NSD1: variants seen among roughly 807,000 people sequenced by gnomAD.
NSD1 encodes histone-lysine N-methyltransferase, H3 lysine-36 specific.
NSD1 carries 26 observed loss-of-function variants against 242.7 expected under a neutral mutation model. That is an observed-to-expected ratio of 0.11 (90% CI 0.08 to 0.15). The LOEUF is 0.15. Ranked by LOEUF, NSD1 falls within the 10% of genes least tolerant of loss-of-function variation. The pLI is 1.00. For missense variants in NSD1, 2,495 were observed against 3,272.8 expected, an observed-to-expected ratio of 0.76 and a Z score of 5.80; for synonymous variants, 1,106 against 1,178.1, an observed-to-expected ratio of 0.94 and a Z score of 1.25.
At chr5:177,166,446 G>T (rs1484860460) in intron 2 of NSD1, among the ~76,000 whole-genome samples, 1 of 151,916 alleles carries the variant, frequency 6.6e-6, no homozygotes, top group African/African-American at 2.4e-5. Flanking sequence ...TACTGGGGAG[G>T]CTGTGACAGG....
intron 13 of NSD1, 57 bp downstream of exon 13, chr5:177,257,208 A>G: frequency 7.8e-7 from 1 of 1,288,414 alleles, no homozygotes; most frequent in Non-Finnish European, 1.1e-6. Flanking sequence ...AATTGGCAAC[A>G]GATATTTTCT....
At chr5:177,266,834 C>T (rs6556309) in intron 14 of NSD1, 152,155 of 195,876 alleles carry the variant, frequency 0.78, 60,943 homozygotes, top group Middle Eastern at 0.9. Flanking sequence ...AATGCCTGCC[C>T]GTCTGCTGAA....
At position 177,269,041 on chromosome 5, in the gene NSD1, A is replaced by G. The variant is rs569705938; in HGVS notation, c.5304-561A>G. ...ATTCTCTGGAGTAAAGTAGGTAGAT[A>G]GAGGTTTCCAGCTTTAATAGGTAGT... On this transcript the variant is annotated intron_variant, in intron 15 of 22. Transcript: ENST00000439151. The surrounding 1 kb of genome is among the most constrained non-coding windows in gnomAD (Gnocchi z 5.1). Among the ~76,000 whole-genome samples, 7 of 152,276 alleles carry G rather than the reference A, an allele frequency of 4.6e-5. No homozygotes were observed. In the South Asian group the frequency reaches 1.5e-3, roughly 32 times the overall value.
rs756115620 is a variant in NSD1, at chr5:177,269,758, G to A, written c.5460G>A (p.Val1820=). The A allele has an allele frequency of 4.3e-6, 7 of 1,614,076 alleles. No individual in the cohort carries two copies. The highest frequency in any genetic ancestry group is 1.6e-4 in the Middle Eastern group (1 of 6,062). Residue 1820 remains valine (V), a synonymous_variant, in exon 16 of 23, where the codon GTG becomes GTA. Transcript: ENST00000439151. This position sits in a 1 kb window ranked among gnomAD's most constrained non-coding sequence, Gnocchi z 5.1. Reference sequence around the variant, plus strand: ...TCTTCCCTTACATGGAGGGTGACGTGAGCAGCAAGGATAAGATGGGCAAAG... The same window carrying A: ...TCTTCCCTTACATGGAGGGTGACGTAAGCAGCAAGGATAAGATGGGCAAAG... ...ARVFPYMEGD[V]SSKDKMGKGV...
intron 2 of NSD1, among the ~76,000 whole-genome samples, chr5:177,145,435 C>T (rs1365495923): frequency 1.3e-5 from 2 of 152,080 alleles, no homozygotes; most frequent in African/African-American, 4.8e-5. Flanking sequence ...CATGCCACCA[C>T]GCCTGGCTAA....
intron 5 of NSD1, among the ~76,000 whole-genome samples, chr5:177,217,115 C>A (rs981759538): frequency 1.3e-5 from 2 of 151,852 alleles, no homozygotes; most frequent in African/African-American, 4.8e-5. Context: ...GATATCTTAA[C>A]AATATTAAGT....
chr5:177,246,537 T>A (rs1418746293), intron 9 of NSD1, 141 bp from the exon 10 acceptor site: 3 of 693,218 alleles, frequency 4.3e-6, no homozygotes, highest in Non-Finnish European at 8.0e-6. Context: ...TAGTCTCAAT[T>A]ATTATTTCCC....
chr5:177,175,091 T>C (rs1459714606), intron 2 of NSD1, among the ~76,000 whole-genome samples: 1 of 151,342 alleles, frequency 6.6e-6, no homozygotes, highest in Admixed American at 6.6e-5. Flanking sequence ...CAAGATGGTC[T>C]CGATCTCCTG....
At chr5:177,272,873 A>G (rs1159789657) in intron 16 of NSD1, among the ~76,000 whole-genome samples, 1 of 152,076 alleles carries the variant, frequency 6.6e-6, no homozygotes, top group Admixed American at 6.5e-5. Flanking sequence ...TTAGAGTGAG[A>G]CCCTGTCTCA....
At chr5:177,208,773 G>A (rs146431919) in intron 4 of NSD1, among the ~76,000 whole-genome samples, 293 of 151,944 alleles carry the variant, frequency 1.9e-3, no homozygotes, top group African/African-American at 6.6e-3. Context: ...GTGCAATGGC[G>A]TGATCTCCAA....
chr5:177,295,167 T>A lies in NSD1; in HGVS notation c.7799T>A (p.Phe2600Tyr), dbSNP rs377511396. 1 of 1,614,042 alleles carries A rather than the reference T, an allele frequency of 6.2e-7. No individual in the cohort carries two copies. The highest frequency in any genetic ancestry group is 8.5e-7 in the Non-Finnish European group (1 of 1,180,038). ...PALAAKSGQSFRSLGKAPASL... is the reference protein window; with the variant it reads ...PALAAKSGQSYRSLGKAPASL... The stretch of plus-strand genomic sequence containing the variant: ...CTTGCCGCCAAGAGTGGGCAATCTT[T>A]TAGGTCTCTCGGGAAGGCCCCAGCC... The change falls in exon 23 of 23, where the codon TTT becomes TAT. Residue 2600 changes from phenylalanine (F) to tyrosine (Y), a missense_variant. Around this residue, in one of 19 missense-constraint regions of NSD1, gnomAD observed 475 missense variants for 563.7 expected, o/e 0.84. Transcript: ENST00000439151. This position sits in a 1 kb window ranked among gnomAD's most constrained non-coding sequence, Gnocchi z 4.3.
chr5:177,220,563 CTTTTTTTTTTTTTTTT>C (rs869220346), intron 5 of NSD1, among the ~76,000 whole-genome samples: 1 of 84,332 alleles, frequency 1.2e-5, no homozygotes, highest in Non-Finnish European at 2.3e-5. Context: ...ATAGTAATTG[CTTTTTTTTTTTTTTTT>C]TTTTTTTTGA....
chr5:177,190,101 C>T, intron 2 of NSD1, among the ~76,000 whole-genome samples: 1 of 152,002 alleles, frequency 6.6e-6, no homozygotes, highest in Admixed American at 6.6e-5. Flanking sequence ...GGAGTACAGG[C>T]ATGCACCACC....
intron 2 of NSD1, among the ~76,000 whole-genome samples, chr5:177,185,147 A>G (rs1236374940): frequency 6.6e-6 from 1 of 152,104 alleles, no homozygotes; most frequent in Non-Finnish European, 1.5e-5. Context: ...CAAGTTGTGT[A>G]TCACTATAGA....
intron 11 of NSD1, 134 bp downstream of exon 11, chr5:177,248,458 A>T (rs982071191): frequency 8.2e-6 from 10 of 1,220,088 alleles, no homozygotes; most frequent in Non-Finnish European, 1.2e-5. Context: ...CACTTTCTTT[A>T]AGGATTTGAC....
chr5:177,136,060 A>G (rs1328065225), intron 2 of NSD1, 30 bp downstream of exon 2: 3 of 1,561,004 alleles, frequency 1.9e-6, no homozygotes, highest in South Asian at 1.1e-5. Flanking sequence ...ACTTAAATAT[A>G]TACATATATG....
intron 2 of NSD1, among the ~76,000 whole-genome samples, chr5:177,159,213 G>A (rs1758525645): frequency 6.7e-6 from 1 of 149,780 alleles, no homozygotes; most frequent in African/African-American, 2.5e-5. Context: ...CGGATTTTTT[G>A]TCTTAATTCA....
At chr5:177,159,029 T>C (rs1758495152) in intron 2 of NSD1, among the ~76,000 whole-genome samples, 1 of 109,370 alleles carries the variant, frequency 9.1e-6, no homozygotes, top group Non-Finnish European at 1.8e-5. Flanking sequence ...TATATATGAA[T>C]GATATATATA....
rs1762701250 is a variant in NSD1 at position 177,204,065 on chromosome 5, T to G, written c.1064-55T>G. On this transcript the variant is annotated intron_variant, in intron 3 of 22. Coordinates refer to ENST00000439151, the MANE Select transcript of NSD1 (RefSeq NM_022455.5). Reference sequence around the variant, plus strand: ...GGCAATGATGTGGCTGTTCTCTTAATGATGAGAAGTAATTTCTTTGATCTA... The same window carrying G: ...GGCAATGATGTGGCTGTTCTCTTAAGGATGAGAAGTAATTTCTTTGATCTA... 19 of 1,523,664 alleles carry G rather than the reference T, an allele frequency of 1.2e-5. No homozygotes were observed. The South Asian group carries it at 2.0e-4, about 16-fold the overall frequency. The allele number at this position is 1,523,664 out of a possible 1,614,324, so 94.4% of individuals were successfully genotyped here.
Sources: gnomAD v4.1 joint callset for allele counts (sites outside exome capture counted in the v4.1 genomes callset) on GRCh38, gnomAD v4.1.1 for gene constraint, gnomAD v4.1.1 regional missense constraint, Gnocchi (gnomAD v3.1) non-coding constraint, MANE v1.5 for transcripts, NCBI Gene and HGNC (gene_info 2026-07-23, HGNC 2026-07-21) for gene names.